The following NXPH1 variants were observed in gnomAD, a reference collection of about 807,000 sequenced individuals.
NXPH1 encodes neurexophilin 1.
Under a neutral mutation model 23.7 loss-of-function variants are expected in NXPH1, and 5 were observed. The observed-to-expected ratio is 0.21, with a 90% confidence interval of 0.11 to 0.44. NXPH1 has a LOEUF of 0.44. Among genes scored for constraint, NXPH1 ranks in the 20% least tolerant of loss-of-function variants. The pLI, the probability that NXPH1 is intolerant of heterozygous loss-of-function variation, is 0.99. For missense variants in NXPH1, 324 were observed against 321.6 expected, an observed-to-expected ratio of 1.01 and a Z score of -0.06; for synonymous variants, 144 against 122.2, an observed-to-expected ratio of 1.18 and a Z score of -1.18.
Position 8,751,859 on chromosome 7 carries a change from C to G in NXPH1, c.*90C>G. The G allele has an allele frequency of 8.0e-7, 1 of 1,248,848 alleles. No individual in the cohort carries two copies. The highest frequency in any genetic ancestry group is 1.1e-6 in the Non-Finnish European group (1 of 919,750). The allele number at this position is 1,248,848 out of a possible 1,614,324, so 77.4% of individuals were successfully genotyped here. A position where few individuals can be genotyped will look rare whatever the true frequency, so the allele number is the denominator to read the frequency against. ...CAAAGAAGAAGGTCACATCTGTTGC[C>G]TGGAATGTGTCTACACTGCTGCTCT... is the stretch of plus-strand genomic sequence containing the variant. On this transcript the variant is annotated 3_prime_UTR_variant, in exon 3 of 3. Coordinates refer to ENST00000405863, the MANE Select transcript of NXPH1 (RefSeq NM_152745.3). This position sits in a 1 kb window ranked among gnomAD's most constrained non-coding sequence, Gnocchi z 4.5.
intron 2 of NXPH1, among the ~76,000 whole-genome samples, chr7:8,490,254 T>G (rs1002409742): frequency 6.6e-6 from 1 of 152,078 alleles, no homozygotes; most frequent in African/African-American, 2.4e-5. Context: ...CAGATTAATT[T>G]TAAAAAACAC....
chr7:8,672,527 G>A (rs1398212861), intron 2 of NXPH1, among the ~76,000 whole-genome samples: 1 of 151,182 alleles, frequency 6.6e-6, no homozygotes, highest in East Asian at 1.9e-4. Flanking sequence ...AAACCCCTAG[G>A]GGAAAAAAAA....
intron 2 of NXPH1, among the ~76,000 whole-genome samples, chr7:8,720,011 T>G (rs1452665789): frequency 2.0e-5 from 3 of 152,212 alleles, no homozygotes; most frequent in African/African-American, 7.2e-5. Context: ...AAGTCCTTGC[T>G]GAATATCCTT....
chr7:8,742,442 T>C (rs1290368828), intron 2 of NXPH1, among the ~76,000 whole-genome samples: 1 of 152,186 alleles, frequency 6.6e-6, no homozygotes, highest in East Asian at 1.9e-4. Context: ...GGTATATTCA[T>C]AATATAGAAT....
At chr7:8,491,742 C>CT (rs1563326031) in intron 2 of NXPH1, among the ~76,000 whole-genome samples, 2 of 152,178 alleles carry the variant, frequency 1.3e-5, no homozygotes, top group Non-Finnish European at 2.9e-5. Context: ...TCAAGTCTTG[C>CT]TACCAGCTCA....
rs955069324 is a variant in NXPH1, at chr7:8,647,290, C to T, written c.55-103718C>T. ...CCAGGGACTGGACATCCAGGCCCAG[C>T]GCAGGTCATGGCAAAGCAGAAGTCA... On this transcript the variant is annotated intron_variant, in intron 2 of 2. Transcript: ENST00000405863. 5.9e-5 allele frequency among the ~76,000 whole-genome samples: 9 copies of T among 152,228 alleles called. No individual in the cohort carries two copies. In the East Asian group the frequency reaches 7.8e-4, roughly 13 times the overall value.
chr7:8,732,384 C>G (rs1209943616), intron 2 of NXPH1, among the ~76,000 whole-genome samples: 6 of 152,194 alleles, frequency 3.9e-5, no homozygotes, highest in South Asian at 2.1e-4. Context: ...TTGTTTCATT[C>G]TAGACAGAGT....
intron 2 of NXPH1, among the ~76,000 whole-genome samples, chr7:8,618,893 T>C (rs1819803891): frequency 6.6e-6 from 1 of 152,218 alleles, no homozygotes; most frequent in African/African-American, 2.4e-5. Context: ...CAATTGAAGT[T>C]ATCTGGACCC....
chr7:8,715,868 C>T (rs1405679396), intron 2 of NXPH1, among the ~76,000 whole-genome samples: 1 of 152,030 alleles, frequency 6.6e-6, no homozygotes, highest in Admixed American at 6.5e-5. Flanking sequence ...GAAATCCTGA[C>T]TTGAAATCTT....
intron 2 of NXPH1, among the ~76,000 whole-genome samples, chr7:8,689,954 A>T (rs917125015): frequency 6.6e-6 from 1 of 152,242 alleles, no homozygotes; most frequent in African/African-American, 2.4e-5. Context: ...TGAGCCAGGC[A>T]AATTAGGCTT....
chr7:8,606,885 G>A (rs1819504761), intron 2 of NXPH1, among the ~76,000 whole-genome samples: 1 of 152,034 alleles, frequency 6.6e-6, no homozygotes, highest in South Asian at 2.1e-4. Context: ...ATAGTTTCTT[G>A]AAAATATTTT....
chr7:8,509,520 T>C (rs1584201221), intron 2 of NXPH1, among the ~76,000 whole-genome samples: 1 of 152,206 alleles, frequency 6.6e-6, no homozygotes, highest in East Asian at 1.9e-4. Context: ...CTCCAGCAAT[T>C]GGAGGCAATC....
chr7:8,487,334 C>T (rs1045662106), intron 2 of NXPH1, among the ~76,000 whole-genome samples: 17 of 152,114 alleles, frequency 1.1e-4, no homozygotes, highest in African/African-American at 2.9e-4. Flanking sequence ...ATAAGTCTCA[C>T]GAAATCTGAT....
intron 2 of NXPH1, among the ~76,000 whole-genome samples, chr7:8,468,051 T>C (rs140937971): frequency 6.6e-6 from 1 of 152,226 alleles, no homozygotes; most frequent in East Asian, 1.9e-4. Flanking sequence ...CCATCCATAC[T>C]CCATTTAAAT....
chr7:8,481,884 C>T (rs376879689), intron 2 of NXPH1, among the ~76,000 whole-genome samples: 2 of 152,254 alleles, frequency 1.3e-5, no homozygotes, highest in African/African-American at 4.8e-5. Context: ...GACTTCTGAG[C>T]CCTCTGGAGT....
At chr7:8,633,233 C>A (rs1299324415) in intron 2 of NXPH1, among the ~76,000 whole-genome samples, 4 of 152,146 alleles carry the variant, frequency 2.6e-5, no homozygotes, top group Non-Finnish European at 5.9e-5. Flanking sequence ...GAGATGGAGG[C>A]CATCCTGGCT....
chr7:8,528,114 G>C (rs1817893596), intron 2 of NXPH1, among the ~76,000 whole-genome samples: 1 of 152,196 alleles, frequency 6.6e-6, no homozygotes, highest in African/African-American at 2.4e-5. Context: ...CTGTGGAAGT[G>C]GGGAGAGAGG....
intron 2 of NXPH1, among the ~76,000 whole-genome samples, chr7:8,585,002 A>G (rs1437460968): frequency 6.6e-6 from 1 of 152,210 alleles, no homozygotes; most frequent in East Asian, 1.9e-4. Context: ...AGTTTAAAAA[A>G]AGTTGTCATT....
At chr7:8,618,316 C>T (rs943555029) in intron 2 of NXPH1, among the ~76,000 whole-genome samples, 3 of 152,134 alleles carry the variant, frequency 2.0e-5, no homozygotes, top group Non-Finnish European at 4.4e-5. Context: ...ATTCATCTGA[C>T]TGTATTCATA....
Sources: allele counts gnomAD v4.1 joint callset (sites outside exome capture counted in the v4.1 genomes callset), GRCh38; gene constraint gnomAD v4.1.1; non-coding constraint Gnocchi (gnomAD v3.1); transcripts MANE v1.5; gene names NCBI Gene and HGNC (gene_info 2026-07-23, HGNC 2026-07-21).